Variants in ASB4 observed in about 807,000 individuals in gnomAD.
The protein encoded by ASB4 is ankyrin repeat and SOCS box containing 4.
Under a neutral mutation model 38.6 loss-of-function variants are expected in ASB4, and 35 were observed. The ratio of observed to expected loss-of-function variants is 0.91; its 90% confidence interval spans 0.69 to 1.20. ASB4 has a LOEUF of 1.20. Ranked by LOEUF, ASB4 falls within the 50% of genes most tolerant of loss-of-function variation. ASB4 has a pLI of 0.00. For missense variants in ASB4, 557 were observed against 527.2 expected, an observed-to-expected ratio of 1.06 and a Z score of -0.55; for synonymous variants, 195 against 201.3, an observed-to-expected ratio of 0.97 and a Z score of 0.26.
upstream of ASB4, among the ~76,000 whole-genome samples, chr7:95,481,480 A>T (rs1425578144): frequency 6.6e-6 from 1 of 152,218 alleles, no homozygotes; most frequent in Non-Finnish European, 1.5e-5. Flanking sequence ...TAGCAAGGAC[A>T]TCTAATTCAG....
chr7:95,520,414 T>TA (rs1051592567), intron 2 of ASB4, among the ~76,000 whole-genome samples: 3 of 152,088 alleles, frequency 2.0e-5, no homozygotes, highest in Non-Finnish European at 4.4e-5. Flanking sequence ...GGTGGAAGAA[T>TA]AAAAAAATAA....
chr7:95,520,204 T>C (rs1790641885), intron 2 of ASB4, among the ~76,000 whole-genome samples: 1 of 152,250 alleles, frequency 6.6e-6, no homozygotes, highest in Admixed American at 6.5e-5. Context: ...CATGTGCCTC[T>C]GACACGGTGG....
At chr7:95,543,715 C>T (rs1790998852), downstream of ASB4, 1 of 152,138 alleles carries the variant, frequency 6.6e-6, no homozygotes, top group South Asian at 2.1e-4. Context: ...GTTAGAGTAA[C>T]TTGATGCACG....
the ASB4 span, among the ~76,000 whole-genome samples, chr7:95,473,335 A>G: frequency 1.3e-5 from 2 of 152,190 alleles, no homozygotes; most frequent in Admixed American, 6.5e-5. Flanking sequence ...CAAGAACCCA[A>G]TGAGGTATTA....
intron 3 of ASB4, among the ~76,000 whole-genome samples, chr7:95,531,819 T>C (rs1054377832): frequency 4.6e-5 from 7 of 152,210 alleles, no homozygotes; most frequent in African/African-American, 1.4e-4. Context: ...GCATCTCCCC[T>C]GCTGGCTTTT....
In ASB4 at chr7:95,528,270, G is replaced by T. The variant is rs751814217; in HGVS notation, c.945G>T (p.Gly315=). ...GCTACCAGCTCCTGTTGAACCATGGGGCTGCCCGAATATACCCTCCACAGT... is the reference window on the plus strand; with the variant it reads ...GCTACCAGCTCCTGTTGAACCATGGTGCTGCCCGAATATACCCTCCACAGT... The part of the protein sequence containing the change: ...EICYQLLLNH[G]AARIYPPQFH... The change falls in exon 3 of 5, where the codon GGG becomes GGT. Residue 315 remains glycine (G), a synonymous_variant. Transcript: ENST00000325885. 4 of 1,614,046 alleles carry T rather than the reference G, an allele frequency of 2.5e-6. No individual in the cohort carries two copies. The highest frequency in any genetic ancestry group is 1.7e-6 in the Non-Finnish European group (2 of 1,180,016).
chr7:95,470,918 G>T, the ASB4 span, among the ~76,000 whole-genome samples: 1 of 152,108 alleles, frequency 6.6e-6, no homozygotes, highest in East Asian at 1.9e-4. Context: ...CTCTCCGGGT[G>T]GTTCCCTGTT....
chr7:95,531,069 T>C (rs756824320), intron 3 of ASB4, among the ~76,000 whole-genome samples: 2 of 152,230 alleles, frequency 1.3e-5, no homozygotes, highest in Admixed American at 6.5e-5. Flanking sequence ...GACTCAGTCC[T>C]TCCCCAGAAG....
chr7:95,508,391 A>G (rs1790438592), intron 2 of ASB4, among the ~76,000 whole-genome samples: 2 of 152,168 alleles, frequency 1.3e-5, no homozygotes, highest in Admixed American at 1.3e-4. Flanking sequence ...GAGAAGAAGT[A>G]TAAAAGATCT....
At chr7:95,505,689 C>A (rs1035476106) in intron 2 of ASB4, among the ~76,000 whole-genome samples, 1 of 134,016 alleles carries the variant, frequency 7.5e-6, no homozygotes, top group Non-Finnish European at 1.6e-5. Flanking sequence ...ATCCGTGTCC[C>A]CCCCCCCCCA....
chr7:95,473,072 G>A, the ASB4 span, among the ~76,000 whole-genome samples: 1 of 152,180 alleles, frequency 6.6e-6, no homozygotes, highest in Non-Finnish European at 1.5e-5. Context: ...GGGACGGGCA[G>A]TGAGCTGATT....
At chr7:95,530,119 A>AAAAAAAAG (rs1295685180) in intron 3 of ASB4, among the ~76,000 whole-genome samples, 3 of 151,446 alleles carry the variant, frequency 2.0e-5, no homozygotes, top group Non-Finnish European at 4.4e-5. Flanking sequence ...AAAAAAAAAA[A>AAAAAAAAG]AGAGAATGCC....
chr7:95,477,890 A>G (rs1322980230), upstream of ASB4, among the ~76,000 whole-genome samples: 1 of 151,800 alleles, frequency 6.6e-6, no homozygotes, highest in African/African-American at 2.4e-5. Flanking sequence ...CCCATTCCTA[A>G]CTGCAGCTTT....
chr7:95,497,626 G>GT (rs1409229555), intron 2 of ASB4, among the ~76,000 whole-genome samples: 1 of 152,168 alleles, frequency 6.6e-6, no homozygotes, highest in Non-Finnish European at 1.5e-5. Flanking sequence ...GAGAAATATT[G>GT]TTTTTGTGAA....
At chr7:95,474,529 T>C (rs1259182173), upstream of ASB4, among the ~76,000 whole-genome samples, 1 of 152,192 alleles carries the variant, frequency 6.6e-6, no homozygotes, top group Non-Finnish European at 1.5e-5. Flanking sequence ...TTAGTTTTTG[T>C]TTTTCTTTTT....
At chr7:95,472,302 G>T in the ASB4 span, among the ~76,000 whole-genome samples, 1 of 152,164 alleles carries the variant, frequency 6.6e-6, no homozygotes, top group Non-Finnish European at 1.5e-5. Flanking sequence ...AGGACCCTGT[G>T]TTCAGAATGA....
chr7:95,512,742 C>A (rs757244965), intron 2 of ASB4, among the ~76,000 whole-genome samples: 4 of 152,138 alleles, frequency 2.6e-5, no homozygotes, highest in Admixed American at 6.5e-5. Flanking sequence ...GGGCCTATAG[C>A]TAGAAGGGGA....
rs1301615693 is a variant in ASB4, at chr7:95,486,100, T to C, written c.129T>C (p.Asp43=). The change falls in exon 1 of 5, where the codon GAT becomes GAC. Residue 43 remains aspartate, a synonymous_variant. Transcript: ENST00000325885. ...CTATTTTGATCCAAAGGCAAATAGATGTGGACACTGTTTTTGAAGTCGAAG... is the reference window on the plus strand; with the variant it reads ...CTATTTTGATCCAAAGGCAAATAGACGTGGACACTGTTTTTGAAGTCGAAG... ...LKAILIQRQI[D]VDTVFEVEDE... The C allele has an allele frequency of 6.2e-7, 1 of 1,614,184 alleles. No homozygotes were observed. Among genetic ancestry groups the C allele is most frequent in the South Asian group, 1.1e-5 (1 of 91,082 alleles).
chr7:95,471,220 C>G, the ASB4 span, among the ~76,000 whole-genome samples: 1 of 152,142 alleles, frequency 6.6e-6, no homozygotes. Flanking sequence ...GACGCACGTC[C>G]CCTTCAAATG....
Sources: allele counts gnomAD v4.1 joint callset (sites outside exome capture counted in the v4.1 genomes callset), GRCh38; gene constraint gnomAD v4.1.1; transcripts MANE v1.5; gene names NCBI Gene and HGNC (gene_info 2026-07-23, HGNC 2026-07-21).